PRKCD: variants seen among roughly 807,000 people sequenced by gnomAD.
PRKCD encodes the protein protein kinase C delta.
Under a neutral mutation model 82.2 loss-of-function variants are expected in PRKCD, and 20 were observed. The ratio of observed to expected loss-of-function variants is 0.24; its 90% CI spans 0.17 to 0.35. The LOEUF (loss-of-function observed/expected upper bound fraction) is 0.35. Among genes scored for constraint, PRKCD ranks in the 10% least tolerant of loss-of-function variants. PRKCD has a pLI of 1.00. For missense variants in PRKCD, 607 were observed against 899.0 expected, an observed-to-expected ratio of 0.68 and a Z score of 4.15; for synonymous variants, 317 against 337.0, an observed-to-expected ratio of 0.94 and a Z score of 0.65.
At chr3:53,181,303 G>A (rs781953072) in intron 5 of PRKCD, 36 bp downstream of exon 5, 18 of 1,609,456 alleles carry the variant, frequency 1.1e-5, no homozygotes, top group Middle Eastern at 3.3e-4. Context: ...CTCCCTTGCC[G>A]GGTTCAGAGG....
At chr3:53,178,645 T>C in intron 3 of PRKCD, 108 bp downstream of exon 3, 1 of 900,858 alleles carries the variant, frequency 1.1e-6, no homozygotes, top group South Asian at 1.7e-5. Flanking sequence ...GATTCTGCTC[T>C]TCCTCATCCT....
rs781992038 is a variant in PRKCD, at chr3:53,186,714, G to T, written c.1352+19G>T. 6.2e-7 allele frequency: 1 copy of T among 1,600,220 alleles called. No individual in the cohort carries two copies. Among genetic ancestry groups the T allele is most frequent in the Non-Finnish European group, 8.6e-7 (1 of 1,169,068 alleles). On this transcript the variant is annotated intron_variant, in intron 14 of 18. Coordinates refer to ENST00000330452, the MANE Select transcript of PRKCD (RefSeq NM_006254.4). ...GTGCCACGTACGTAAGGGCCATGGT[G>T]GGGAAGGGCCCAGTGTGGAGGAAGG...
chr3:53,179,485 C>A, intron 3 of PRKCD, 92 bp from the exon 4 acceptor site: 1 of 1,524,072 alleles, frequency 6.6e-7, no homozygotes, highest in Non-Finnish European at 9.1e-7. Flanking sequence ...GCAGGAGAGT[C>A]GGGCAGATTC....
chr3:53,171,126 C>A (rs1188204666), intron 2 of PRKCD, among the ~76,000 whole-genome samples: 1 of 152,172 alleles, frequency 6.6e-6, no homozygotes, highest in African/African-American at 2.4e-5. Context: ...CTGCATCCCC[C>A]ACCCTGGCTC....
At chr3:53,162,913 G>A (rs1702722197) in intron 1 of PRKCD, among the ~76,000 whole-genome samples, 1 of 152,122 alleles carries the variant, frequency 6.6e-6, no homozygotes, top group Non-Finnish European at 1.5e-5. Flanking sequence ...GTGTACTCAC[G>A]TGTGGCTCTC....
chr3:53,162,277 G>T (rs1451929645), intron 1 of PRKCD, among the ~76,000 whole-genome samples: 2 of 152,048 alleles, frequency 1.3e-5, no homozygotes, highest in South Asian at 2.1e-4. Context: ...GGTCGGGGGG[G>T]GGGGTCCTCC....
chr3:53,182,520 C>T (rs1553667912), intron 7 of PRKCD, among the ~76,000 whole-genome samples: 1 of 152,186 alleles, frequency 6.6e-6, no homozygotes, highest in Non-Finnish European at 1.5e-5. Flanking sequence ...TCACCCACCT[C>T]AGCCTCCCAA....
chr3:53,183,095 C>T, intron 7 of PRKCD, 26 bp from the exon 8 acceptor site: 2 of 1,612,780 alleles, frequency 1.2e-6, no homozygotes, highest in South Asian at 1.1e-5. Context: ...TTTCCCTTCC[C>T]CCTCCTGGGC....
chr3:53,178,350 ACTGTTCCCG>A, intron 2 of PRKCD, 45 bp from the exon 3 acceptor site: 1 of 1,242,912 alleles, frequency 8.0e-7, no homozygotes, highest in Non-Finnish European at 1.1e-6. Flanking sequence ...GCTGCCCGTG[ACTGTTCCCG>A]CTGGTCCCGC....
chr3:53,190,528 G>A (rs1703888835), intron 18 of PRKCD, among the ~76,000 whole-genome samples: 2 of 152,300 alleles, frequency 1.3e-5, no homozygotes, highest in South Asian at 2.1e-4. Context: ...GGGTCTGAGA[G>A]GCCCCGTTGG....
Position 53,192,652 on chromosome 3 carries a change from A to AG in PRKCD, c.*388dup, listed in dbSNP as rs56144970. On this transcript the variant is annotated 3_prime_UTR_variant, in exon 19 of 19. Transcript: ENST00000330452. The stretch of plus-strand genomic sequence containing the variant: ...ATATATATGACAAAAAAAAAAAAAA[A>AG]GGAGCACAAGCTGTTTGAACCACCA... The AG allele has an allele frequency of 6.6e-6, 1 of 150,596 alleles. No homozygotes were observed. The highest frequency in any genetic ancestry group is 1.9e-4 in the East Asian group (1 of 5,134). The allele number at this position is 150,596 out of a possible 1,614,324, so 9.3% of individuals were successfully genotyped here. A position where few individuals can be genotyped will look rare whatever the true frequency, so the allele number is the denominator to read the frequency against.
intron 16 of PRKCD, 30 bp from the exon 17 acceptor site, chr3:53,189,028 C>T: frequency 6.3e-7 from 1 of 1,594,920 alleles, no homozygotes; most frequent in Non-Finnish European, 8.6e-7. Context: ...ACCTCAGCTC[C>T]TGCTGACCTG....
chr3:53,186,172 G>T lies in PRKCD; in HGVS notation c.1092G>T (p.Leu364=). ...VLGKGSFGKV[L]LGELKGRGEY... ...CACCCGTGTCTCCCCATCAGGTGCTGCTTGGAGAGCTGAAGGGCAGAGGAG... is the reference window on the plus strand; with the variant it reads ...CACCCGTGTCTCCCCATCAGGTGCTTCTTGGAGAGCTGAAGGGCAGAGGAG... Residue 364 remains leucine (L), a synonymous_variant, in exon 13 of 19, where the codon CTG becomes CTT. Coordinates refer to ENST00000330452, the MANE Select transcript of PRKCD (RefSeq NM_006254.4). 6.2e-7 allele frequency: 1 copy of T among 1,613,704 alleles called. No homozygotes were observed.
intron 17 of PRKCD, among the ~76,000 whole-genome samples, chr3:53,189,563 T>G (rs1703847185): frequency 6.6e-6 from 1 of 152,202 alleles, no homozygotes; most frequent in African/African-American, 2.4e-5. Context: ...AATGGGGCTA[T>G]GAGCAGACTT....
At position 53,192,405 on chromosome 3, in the gene PRKCD, G is replaced by A. The variant is rs900777291; in HGVS notation, c.*139G>A. 2 of 938,574 alleles carry A rather than the reference G, an allele frequency of 2.1e-6. No homozygotes were observed. Among genetic ancestry groups the A allele is most frequent in the Non-Finnish European group, 3.2e-6 (2 of 615,778 alleles). The allele number at this position is 938,574 out of a possible 1,614,324, so 58.1% of individuals were successfully genotyped here. A position where few individuals can be genotyped will look rare whatever the true frequency, so the allele number is the denominator to read the frequency against. On this transcript the variant is annotated 3_prime_UTR_variant, in exon 19 of 19. Transcript: ENST00000330452. Reference sequence around the variant, plus strand: ...GAGCGTCCTTGGCTGCCGTCTGGCCGGGCTCTCATGGTACTTCCTCTGTGA... The same window carrying A: ...GAGCGTCCTTGGCTGCCGTCTGGCCAGGCTCTCATGGTACTTCCTCTGTGA...
intron 9 of PRKCD, 64 bp from the exon 10 acceptor site, chr3:53,184,810 C>A (rs2107273110): frequency 1.4e-6 from 2 of 1,451,228 alleles, no homozygotes. Context: ...TGCGCCTCTC[C>A]TACACTGCCC....
At chr3:53,174,795 C>T (rs1327966949) in intron 2 of PRKCD, among the ~76,000 whole-genome samples, 1 of 152,228 alleles carries the variant, frequency 6.6e-6, no homozygotes, top group Non-Finnish European at 1.5e-5. Flanking sequence ...AGTCTCAGGG[C>T]AGCCCACGAA....
intron 15 of PRKCD, among the ~76,000 whole-genome samples, 156 bp from the exon 16 acceptor site, chr3:53,188,564 G>A (rs1309624739): frequency 6.6e-6 from 1 of 152,154 alleles, no homozygotes; most frequent in Non-Finnish European, 1.5e-5. Context: ...CTGTTTTTAG[G>A]ATCTCTTTCT....
chr3:53,189,606 CAT>C (rs1268249763), intron 17 of PRKCD, among the ~76,000 whole-genome samples: 5 of 152,182 alleles, frequency 3.3e-5, no homozygotes, highest in South Asian at 2.1e-4. Context: ...AAAATAGAAA[CAT>C]ATGATGCTCA....
Sources: gnomAD v4.1 joint callset for allele counts (sites outside exome capture counted in the v4.1 genomes callset) on GRCh38, gnomAD v4.1.1 for gene constraint, MANE v1.5 for transcripts, NCBI Gene and HGNC (gene_info 2026-07-23, HGNC 2026-07-21) for gene names.